EPHA3: variants seen among roughly 807,000 people sequenced by gnomAD.
The protein encoded by EPHA3 is ephrin type-A receptor 3.
EPHA3 carries 42 observed loss-of-function variants against 107.1 expected under a neutral mutation model. The observed-to-expected ratio is 0.39, with a 90% CI of 0.31 to 0.51. The LOEUF (loss-of-function observed/expected upper bound fraction) is 0.51. EPHA3 is among the 20% of genes least tolerant of loss of function. The pLI is 0.78. For missense variants in EPHA3, 1,183 were observed against 1,211.2 expected (o/e 0.98, Z 0.35); for synonymous variants, 461 against 424.8 (o/e 1.09, Z -1.05).
intron 2 of EPHA3, among the ~76,000 whole-genome samples, chr3:89,153,633 A>G (rs1281807853): frequency 6.6e-6 from 1 of 151,988 alleles, no homozygotes; most frequent in Non-Finnish European, 1.5e-5. Flanking sequence ...ACCATTTCTT[A>G]CCCACCAGCA....
chr3:89,256,763 A>T (rs1200710127), intron 3 of EPHA3, among the ~76,000 whole-genome samples: 2 of 152,178 alleles, frequency 1.3e-5, no homozygotes, highest in African/African-American at 2.4e-5. Flanking sequence ...AAGCAATTAC[A>T]TTGCTCTATC....
At chr3:89,242,385 C>T (rs1704919210) in intron 3 of EPHA3, among the ~76,000 whole-genome samples, 1 of 152,144 alleles carries the variant, frequency 6.6e-6, no homozygotes, top group South Asian at 2.1e-4. Context: ...GTGTGCACTG[C>T]AACATAATGT....
intron 3 of EPHA3, among the ~76,000 whole-genome samples, chr3:89,336,030 T>A (rs1418340881): frequency 6.6e-6 from 1 of 152,238 alleles, no homozygotes; most frequent in Non-Finnish European, 1.5e-5. Context: ...TATTTTAAAA[T>A]TTGTCTCTGG....
rs867261349 is a variant in EPHA3, at chr3:89,480,768, C to A, written c.*1266C>A. On this transcript the variant is annotated 3_prime_UTR_variant, in exon 17 of 17. Coordinates refer to ENST00000336596, the MANE Select transcript of EPHA3 (RefSeq NM_005233.6). ...AGGTGAATTAATTAAACATTGTGAT[C>A]ATTAGTACCAGGTATTATTATCTTT... The A allele has an allele frequency of 1.7e-5, 4 of 232,614 alleles. No individual in the cohort carries two copies. Among genetic ancestry groups the A allele is most frequent in the African/African-American group, 8.8e-5 (4 of 45,308 alleles). 14.4% of individuals were successfully genotyped at this position (232,614 alleles called of 1,614,324 possible).
At chr3:89,469,223 T>C (rs1193491109) in intron 15 of EPHA3, among the ~76,000 whole-genome samples, 1 of 152,110 alleles carries the variant, frequency 6.6e-6, no homozygotes, top group Non-Finnish European at 1.5e-5. Flanking sequence ...TGGACAGAAG[T>C]TTGAAGAATC....
intron 3 of EPHA3, among the ~76,000 whole-genome samples, chr3:89,314,842 G>A (rs1379586738): frequency 6.6e-6 from 1 of 151,858 alleles, no homozygotes; most frequent in Non-Finnish European, 1.5e-5. Context: ...ACTTAACAAC[G>A]GGAGTACATT....
intron 3 of EPHA3, among the ~76,000 whole-genome samples, chr3:89,316,505 A>AATATATATATATATAT (rs58576798): frequency 3.4e-4 from 35 of 104,130 alleles, no homozygotes; most frequent in East Asian, 9.9e-4. Context: ...GTGTGTGTGT[A>AATATATATATATATAT]ATATATATAT....
At chr3:89,137,908 G>T (rs895600630) in intron 2 of EPHA3, among the ~76,000 whole-genome samples, 1 of 151,916 alleles carries the variant, frequency 6.6e-6, no homozygotes, top group Non-Finnish European at 1.5e-5. Flanking sequence ...TGTTAGAAAT[G>T]CAAAATTCTG....
At chr3:89,246,403 A>G (rs1156638046) in intron 3 of EPHA3, among the ~76,000 whole-genome samples, 1 of 152,206 alleles carries the variant, frequency 6.6e-6, no homozygotes, top group Non-Finnish European at 1.5e-5. Context: ...GTAAGTTTAA[A>G]AAGTTATTTA....
chr3:89,121,177 A>G (rs1707373733), intron 1 of EPHA3, among the ~76,000 whole-genome samples: 4 of 152,186 alleles, frequency 2.6e-5, no homozygotes, highest in Admixed American at 2.6e-4. Flanking sequence ...CGGAGCTGGC[A>G]GTGGGAGGAG....
intron 2 of EPHA3, among the ~76,000 whole-genome samples, chr3:89,177,013 T>C (rs1292156431): frequency 6.6e-6 from 1 of 151,950 alleles, no homozygotes; most frequent in Non-Finnish European, 1.5e-5. Flanking sequence ...TTCTTAGACA[T>C]TGACTAATTT....
At chr3:89,340,780 T>A in intron 3 of EPHA3, 136 bp from the exon 4 acceptor site, 1 of 864,502 alleles carries the variant, frequency 1.2e-6, no homozygotes, top group Non-Finnish European at 1.6e-6. Context: ...CTCTGTCATT[T>A]GCTTCTGTAA....
intron 3 of EPHA3, among the ~76,000 whole-genome samples, chr3:89,257,947 C>G (rs1376035414): frequency 1.3e-5 from 2 of 152,056 alleles, no homozygotes; most frequent in Non-Finnish European, 2.9e-5. Context: ...CTGTGTCACT[C>G]CATAAATTTT....
chr3:89,316,475 A>ATG (rs1432385997), intron 3 of EPHA3, among the ~76,000 whole-genome samples: 5 of 136,136 alleles, frequency 3.7e-5, no homozygotes, highest in East Asian at 4.3e-4. Flanking sequence ...CACTGTATAT[A>ATG]TATGTGTGTG....
intron 2 of EPHA3, among the ~76,000 whole-genome samples, chr3:89,177,595 C>A (rs1220458413): frequency 4.6e-5 from 7 of 152,036 alleles, no homozygotes; most frequent in Non-Finnish European, 1.0e-4. Context: ...TATCAATTAG[C>A]CTTAAGGTTT....
chr3:89,309,042 G>A (rs1706700468), intron 3 of EPHA3, among the ~76,000 whole-genome samples: 1 of 152,084 alleles, frequency 6.6e-6, no homozygotes, highest in Non-Finnish European at 1.5e-5. Context: ...TTAGAAGCCA[G>A]GATTAGGAAA....
chr3:89,419,172 C>T (rs769497264), intron 10 of EPHA3, 33 bp from the exon 11 acceptor site: 4 of 1,528,082 alleles, frequency 2.6e-6, no homozygotes, highest in Admixed American at 2.2e-5. Flanking sequence ...TATAGAATTC[C>T]TTACATTTTG....
intron 3 of EPHA3, among the ~76,000 whole-genome samples, chr3:89,318,370 C>A (rs1023938197): frequency 9.2e-5 from 14 of 151,744 alleles, no homozygotes; most frequent in Non-Finnish European, 1.8e-4. Context: ...GCAATTTTTT[C>A]ATCCTTTGAT....
chr3:89,212,746 T>C (rs1444564677), intron 3 of EPHA3, among the ~76,000 whole-genome samples: 2 of 151,990 alleles, frequency 1.3e-5, no homozygotes, highest in South Asian at 2.1e-4. Flanking sequence ...TAAATATTCC[T>C]TCTCATATAA....
Sources: gnomAD v4.1 joint callset for allele counts (sites outside exome capture counted in the v4.1 genomes callset) on GRCh38, gnomAD v4.1.1 for gene constraint, MANE v1.5 for transcripts, NCBI Gene and HGNC (gene_info 2026-07-23, HGNC 2026-07-21) for gene names.